The following ERCC6L2 variants were observed in gnomAD, a reference collection of about 807,000 sequenced individuals.
ERCC6L2 encodes DNA excision repair protein ERCC-6-like 2.
Under a neutral mutation model 132.0 loss-of-function variants are expected in ERCC6L2, and 77 were observed. The observed-to-expected ratio is 0.58, with a 90% CI of 0.49 to 0.71. ERCC6L2 has a LOEUF of 0.71. Among genes scored for constraint, ERCC6L2 ranks in the 30% least tolerant of loss-of-function variants. ERCC6L2 has a pLI of 0.00. For missense variants in ERCC6L2, 1,542 were observed against 1,837.6 expected (o/e 0.84, Z 2.94); for synonymous variants, 583 against 632.4 (o/e 0.92, Z 1.17).
chr9:95,984,226 T>C (rs1266393014), intron 17 of ERCC6L2, among the ~76,000 whole-genome samples: 1 of 149,250 alleles, frequency 6.7e-6, no homozygotes, highest in East Asian at 1.9e-4. Context: ...ATAAAGTATA[T>C]ATTATATATG....
At chr9:95,979,200 A>G (rs529920666) in intron 17 of ERCC6L2, among the ~76,000 whole-genome samples, 1 of 152,300 alleles carries the variant, frequency 6.6e-6, no homozygotes, top group South Asian at 2.1e-4. Context: ...ATGTAGTGAT[A>G]TCTCAGCTAG....
chr9:96,000,427 GAAAA>G (rs1833625698), intron 17 of ERCC6L2, among the ~76,000 whole-genome samples: 2 of 152,094 alleles, frequency 1.3e-5, no homozygotes, highest in South Asian at 4.1e-4. Context: ...ATACAAAAAA[GAAAA>G]AAGATAAACA....
At chr9:95,960,499 G>T (rs1216071502) in intron 13 of ERCC6L2, among the ~76,000 whole-genome samples, 1 of 152,096 alleles carries the variant, frequency 6.6e-6, no homozygotes, top group African/African-American at 2.4e-5. Context: ...AAGAGCTAGA[G>T]GACAATTTGA....
chr9:95,881,772 A>G (rs1464936786), intron 2 of ERCC6L2, among the ~76,000 whole-genome samples: 2 of 152,220 alleles, frequency 1.3e-5, no homozygotes, highest in Admixed American at 6.5e-5. Context: ...AGAGACTTCA[A>G]GATTCCCTAA....
intron 12 of ERCC6L2, among the ~76,000 whole-genome samples, chr9:95,945,214 T>C (rs1428629502): frequency 6.6e-6 from 1 of 152,190 alleles, no homozygotes; most frequent in Admixed American, 6.5e-5. Flanking sequence ...TTCTCAGGGA[T>C]GTTCCTTGCT....
chr9:95,958,514 C>T (rs1033964337), intron 13 of ERCC6L2, among the ~76,000 whole-genome samples: 3 of 152,098 alleles, frequency 2.0e-5, no homozygotes, highest in Admixed American at 6.6e-5. Flanking sequence ...CTCTCCAGCA[C>T]CTGTTGTTTC....
In ERCC6L2 at chr9:95,875,963, C is replaced by T. The variant is rs781189850; in HGVS notation, c.-76C>T. On this transcript the variant is annotated 5_prime_UTR_variant, in exon 1 of 19. Transcript: ENST00000653738. ...GTGGCGTTGGCCGCCATTGGCCTGC[C>T]GGCCAGCCACCTTGCTGTCCTCCGC... is the stretch of plus-strand genomic sequence containing the variant. 6.6e-6 allele frequency: 10 copies of T among 1,504,118 alleles called. No individual in the cohort carries two copies. The highest frequency in any genetic ancestry group is 3.6e-5 in the South Asian group (3 of 82,910). 93.2% of individuals were successfully genotyped at this position (1,504,118 alleles called of 1,614,324 possible).
At chr9:95,950,009 C>T (rs879755498) in intron 12 of ERCC6L2, among the ~76,000 whole-genome samples, 3 of 144,484 alleles carry the variant, frequency 2.1e-5, no homozygotes, top group Admixed American at 6.9e-5. Context: ...GGTGAGACTC[C>T]GTCTCAAAAA....
At chr9:96,036,148 G>A (rs1221437611) in intron 19 of ERCC6L2, among the ~76,000 whole-genome samples, 4 of 152,104 alleles carry the variant, frequency 2.6e-5, no homozygotes, top group African/African-American at 7.2e-5. Context: ...CTAGTCTCCA[G>A]AACGCTTTCC....
At chr9:95,928,173 C>T (rs1830181130) in intron 10 of ERCC6L2, 23 bp downstream of exon 10, 4 of 1,541,626 alleles carry the variant, frequency 2.6e-6, no homozygotes, top group Non-Finnish European at 3.6e-6. Flanking sequence ...AAAGTATATC[C>T]TTGATTGGCC....
chr9:95,887,115 C>T (rs954795289), intron 2 of ERCC6L2, among the ~76,000 whole-genome samples: 1 of 151,840 alleles, frequency 6.6e-6, no homozygotes, highest in Non-Finnish European at 1.5e-5. Flanking sequence ...TCTAGAGAAC[C>T]CTAATACACC....
chr9:95,893,832 A>G (rs966168804), intron 2 of ERCC6L2, among the ~76,000 whole-genome samples: 2 of 152,026 alleles, frequency 1.3e-5, no homozygotes, highest in Non-Finnish European at 2.9e-5. Context: ...ATCATTTGGC[A>G]TTGTTGATCA....
At chr9:96,025,568 C>G (rs1026653163) in intron 19 of ERCC6L2, 1 of 152,174 alleles carries the variant, frequency 6.6e-6, no homozygotes, top group Non-Finnish European at 1.5e-5. Context: ...ACAACACATC[C>G]AAAGCCCACC....
At chr9:95,996,150 C>G (rs1833464831) in intron 17 of ERCC6L2, among the ~76,000 whole-genome samples, 1 of 152,208 alleles carries the variant, frequency 6.6e-6, no homozygotes, top group Non-Finnish European at 1.5e-5. Flanking sequence ...CTTCAGTGAA[C>G]ACACAAACAA....
At chr9:95,949,705 G>C (rs1049212759) in intron 12 of ERCC6L2, among the ~76,000 whole-genome samples, 3 of 152,076 alleles carry the variant, frequency 2.0e-5, no homozygotes, top group African/African-American at 4.8e-5. Context: ...ATTACCACTA[G>C]ACCAGCCCTG....
intron 4 of ERCC6L2, among the ~76,000 whole-genome samples, chr9:95,908,501 T>C (rs1162401711): frequency 6.6e-6 from 1 of 152,184 alleles, no homozygotes; most frequent in Non-Finnish European, 1.5e-5. Flanking sequence ...AAATTTTGGT[T>C]GTTTTAAGCC....
intron 12 of ERCC6L2, among the ~76,000 whole-genome samples, chr9:95,949,763 A>T (rs766389991): frequency 6.6e-6 from 1 of 152,176 alleles, no homozygotes; most frequent in Admixed American, 6.5e-5. Flanking sequence ...TAATCCCAGC[A>T]CTTTGGGAGG....
At chr9:95,876,763 G>C (rs998531202) in intron 1 of ERCC6L2, 1 of 152,188 alleles carries the variant, frequency 6.6e-6, no homozygotes, top group Non-Finnish European at 1.5e-5. Context: ...TTCCTTTGAG[G>C]AAGATATCGA....
chr9:95,972,903 G>T lies in ERCC6L2; in HGVS notation c.3152G>T (p.Ser1051Ile). The part of the protein sequence containing the change: ...YSSSDESLSV[S>I]HFSFSKQSHR... ...TCCTCAGATGAGAGTTTATCCGTCA[G>T]CCACTTCAGTTTCTCTAAACAGAGC... Residue 1051 changes from serine (S) to isoleucine (I), a missense_variant, in exon 16 of 19, where the codon AGC becomes ATC. Physicochemically the swap from Ser to Ile is moderately radical, Grantham distance 142. Around this residue, in one of 4 missense-constraint regions of ERCC6L2, gnomAD observed 945 missense variants for 1,105.2 expected, o/e 0.86. Coordinates refer to ENST00000653738, the MANE Select transcript of ERCC6L2 (RefSeq NM_020207.7). The T allele has an allele frequency of 1.5e-6, 2 of 1,305,494 alleles. No homozygotes were observed. The highest frequency in any genetic ancestry group is 2.0e-6 in the Non-Finnish European group (2 of 989,028). The allele number at this position is 1,305,494 out of a possible 1,614,324, so 80.9% of individuals were successfully genotyped here.
Sources: gnomAD v4.1 joint callset for allele counts (sites outside exome capture counted in the v4.1 genomes callset) on GRCh38, gnomAD v4.1.1 for gene constraint, gnomAD v4.1.1 regional missense constraint, MANE v1.5 for transcripts, NCBI Gene and HGNC (gene_info 2026-07-23, HGNC 2026-07-21) for gene names.